HKDC1: variants seen among roughly 807,000 people sequenced by gnomAD.
HKDC1 encodes hexokinase HKDC1.
Under a neutral mutation model 96.6 loss-of-function variants are expected in HKDC1, and 66 were observed. That is an observed-to-expected ratio of 0.68 (90% CI 0.56 to 0.84). The LOEUF (loss-of-function observed/expected upper bound fraction) is 0.84, where lower values mean the gene tolerates loss of function less well. Ranked by LOEUF, HKDC1 falls within the 40% of genes least tolerant of loss-of-function variation. The pLI is 0.00. For missense variants in HKDC1, 1,211 were observed against 1,208.1 expected (o/e 1.00, Z -0.04); for synonymous variants, 466 against 473.1 (o/e 0.98, Z 0.20).
chr10:69,265,939 G>A (rs1296500775), intron 17 of HKDC1, 121 bp downstream of exon 17: 6 of 734,862 alleles, frequency 8.2e-6, no homozygotes, highest in Non-Finnish European at 1.4e-5. Context: ...TTATGGGAAA[G>A]GAGTGCTGTG....
intron 12 of HKDC1, among the ~76,000 whole-genome samples, chr10:69,253,076 T>A (rs534951731): frequency 1.3e-4 from 20 of 152,036 alleles, no homozygotes; most frequent in Non-Finnish European, 2.4e-4. Flanking sequence ...AATAAAGATT[T>A]TTAATTGGGA....
intron 11 of HKDC1, 33 bp from the exon 12 acceptor site, chr10:69,250,500 C>T (rs1843623876): frequency 1.2e-6 from 2 of 1,613,754 alleles, no homozygotes; most frequent in Non-Finnish European, 1.7e-6. Context: ...CGATGTCCGC[C>T]TGGTGTGAAT....
chr10:69,262,166 C>G (rs150513623), intron 16 of HKDC1: 32 of 351,550 alleles, frequency 9.1e-5, no homozygotes, highest in African/African-American at 6.4e-4. Flanking sequence ...GAAAGAGGAA[C>G]TTTCCCCTAT....
chr10:69,249,637 A>G lies in HKDC1; in HGVS notation c.1571-653A>G, dbSNP rs892685518. ...CAGCCTCCCGAGTAGCTGGGACTAC[A>G]GGCGCCCAGCACCACACCCGGATAA... On this transcript the variant is annotated intron_variant, in intron 10 of 17. Coordinates refer to ENST00000354624, the MANE Select transcript of HKDC1 (RefSeq NM_025130.4). Among the ~76,000 whole-genome samples, 5 of 152,310 alleles carry G rather than the reference A, an allele frequency of 3.3e-5. No homozygotes were observed. In the East Asian group the frequency reaches 7.7e-4, roughly 23 times the overall value.
chr10:69,244,900 G>T (rs1416887664), intron 7 of HKDC1, among the ~76,000 whole-genome samples: 3 of 151,930 alleles, frequency 2.0e-5, no homozygotes, highest in Non-Finnish European at 4.4e-5. Context: ...TTTCTTCAAT[G>T]CTCAAAGACT....
At chr10:69,224,275 A>T (rs1019088422) in intron 1 of HKDC1, among the ~76,000 whole-genome samples, 1 of 151,730 alleles carries the variant, frequency 6.6e-6, no homozygotes, top group Non-Finnish European at 1.5e-5. Context: ...TTTTATTTTT[A>T]TTTATTTATT....
intron 9 of HKDC1, 146 bp downstream of exon 9, chr10:69,247,739 C>G: frequency 1.5e-6 from 1 of 665,614 alleles, no homozygotes; most frequent in East Asian, 2.7e-5. Context: ...AAGGTGAATC[C>G]AGGGCCTGCA....
chr10:69,234,186 C>T (rs1020786698), intron 4 of HKDC1, among the ~76,000 whole-genome samples: 5 of 152,208 alleles, frequency 3.3e-5, no homozygotes, highest in East Asian at 1.9e-4. Flanking sequence ...GATCAATCTC[C>T]TCCTCCTGGC....
chr10:69,249,153 C>T (rs1843595385), intron 10 of HKDC1, among the ~76,000 whole-genome samples: 1 of 152,194 alleles, frequency 6.6e-6, no homozygotes, highest in Admixed American at 6.5e-5. Context: ...CTGCCCCCAA[C>T]TTCTCCAACC....
rs1175719324 is a variant in HKDC1, at chr10:69,248,481, C to T, written c.1323C>T (p.Arg441=). ...VRKLVPSCDV[R]FLLSESGSTK... is the part of the protein sequence containing the mutation. ...AACTGGTCCCAAGCTGTGATGTCCG[C>T]TTCCTCCTGTCAGAGAGTGGCAGCA... Residue 441 remains arginine (R), a synonymous_variant, in exon 10 of 18, where the codon CGC becomes CGT. Coordinates refer to ENST00000354624, the MANE Select transcript of HKDC1 (RefSeq NM_025130.4). 1 of 1,606,646 alleles carries T rather than the reference C, an allele frequency of 6.2e-7. No homozygotes were observed. Among genetic ancestry groups the T allele is most frequent in the Admixed American group, 1.7e-5 (1 of 59,750 alleles).
intron 1 of HKDC1, among the ~76,000 whole-genome samples, chr10:69,221,694 T>A (rs1843068514): frequency 6.6e-6 from 1 of 152,068 alleles, no homozygotes; most frequent in Admixed American, 6.5e-5. Context: ...GAGGCTGAGA[T>A]GAGCAGATCT....
chr10:69,258,819 C>A lies in HKDC1; in HGVS notation c.2076C>A (p.Ile692=). 1 of 1,613,912 alleles carries A rather than the reference C, an allele frequency of 6.2e-7. No homozygotes were observed. Among genetic ancestry groups the A allele is most frequent in the Non-Finnish European group, 8.5e-7 (1 of 1,179,960 alleles). The change falls in exon 15 of 18, where the codon ATC becomes ATA. Residue 692 remains isoleucine (I), a synonymous_variant. Coordinates refer to ENST00000354624, the MANE Select transcript of HKDC1 (RefSeq NM_025130.4). The part of the protein sequence containing the change: ...NMCYMEDMRN[I]EMVEGGEGKM... The stretch of plus-strand genomic sequence containing the variant: ...GCTACATGGAGGACATGAGGAACAT[C>A]GAGATGGTGGAGGGGGGTGAAGGGA...
chr10:69,247,653 T>C (rs1251091728), intron 9 of HKDC1, 60 bp downstream of exon 9: 1 of 1,361,494 alleles, frequency 7.3e-7, no homozygotes, highest in African/African-American at 1.4e-5. Context: ...AGGGCCCCAG[T>C]GTCTTCTGGA....
intron 10 of HKDC1, among the ~76,000 whole-genome samples, chr10:69,249,643 C>CTG (rs1360881446): frequency 1.3e-4 from 20 of 152,136 alleles, no homozygotes; most frequent in African/African-American, 4.3e-4. Context: ...CTACAGGCGC[C>CTG]CAGCACCACA....
At chr10:69,244,741 A>G (rs886461487) in intron 7 of HKDC1, among the ~76,000 whole-genome samples, 1 of 152,076 alleles carries the variant, frequency 6.6e-6, no homozygotes, top group Non-Finnish European at 1.5e-5. Flanking sequence ...TGGGAGGATC[A>G]CTTGAGCCAG....
chr10:69,258,917 A>G lies in HKDC1; in HGVS notation c.2174A>G (p.Asp725Gly). The G allele has an allele frequency of 6.2e-7, 1 of 1,601,790 alleles. No individual in the cohort carries two copies. Among genetic ancestry groups the G allele is most frequent in the Non-Finnish European group, 8.5e-7 (1 of 1,174,186 alleles). Residue 725 changes from aspartate (D) to glycine (G), a missense_variant, in exon 15 of 18, where the codon GAC becomes GGC. Transcript: ENST00000354624. ...ATAGATGACATCTGGACCCGATACG[A>G]CACGGAGGTGGATGAGGGGTCCTTG... is the stretch of plus-strand genomic sequence containing the variant. Reference protein sequence around the residue: ...GCIDDIWTRYDTEVDEGSLNP... With the variant: ...GCIDDIWTRYGTEVDEGSLNP...
chr10:69,247,211 A>T (rs1407694809), intron 8 of HKDC1, 149 bp from the exon 9 acceptor site: 20 of 616,082 alleles, frequency 3.2e-5, no homozygotes, highest in Admixed American at 2.0e-4. Flanking sequence ...GGCAGCTGCT[A>T]CTATCAATGT....
chr10:69,220,487 C>T lies in HKDC1; in HGVS notation c.52C>T (p.Gln18Ter). ...AFYFSKLKED[Q>*]IKKVDRFLYH... ...TTACTTCAGCAAGCTGAAGGAGGACCAGATCAAGAAGGTAAGGAGGACCCA... is the reference window on the plus strand; with the variant it reads ...TTACTTCAGCAAGCTGAAGGAGGACTAGATCAAGAAGGTAAGGAGGACCCA... The change falls in exon 1 of 18, where the codon CAG becomes TAG. Residue 18 changes from glutamine to a stop codon, truncating the protein, a stop_gained. Coordinates refer to ENST00000354624, the MANE Select transcript of HKDC1 (RefSeq NM_025130.4). LOFTEE classifies it high-confidence loss of function. 6.3e-7 allele frequency: 1 copy of T among 1,599,748 alleles called. No homozygotes were observed. The highest frequency in any genetic ancestry group is 8.5e-7 in the Non-Finnish European group (1 of 1,173,726).
Position 69,236,111 on chromosome 10 carries a change from A to C in HKDC1, c.496-2931A>C, listed in dbSNP as rs547806839. 4.4e-4 allele frequency among the ~76,000 whole-genome samples: 62 copies of C among 141,624 alleles called. 2 individuals carry two copies. In the East Asian group the frequency reaches 0.013, roughly 31 times the overall value. The allele number at this position is 141,624 out of a possible 152,430, so 92.9% of individuals were successfully genotyped here. ...TTTAAAATGGCAGCAGGTGCCTGAA[A>C]GCATTTTGATTTTTTTTTTTTTTTT... On this transcript the variant is annotated intron_variant, in intron 4 of 17. Coordinates refer to ENST00000354624, the MANE Select transcript of HKDC1 (RefSeq NM_025130.4).
Sources: gnomAD v4.1 joint callset for allele counts (sites outside exome capture counted in the v4.1 genomes callset) on GRCh38, gnomAD v4.1.1 for gene constraint, MANE v1.5 for transcripts, NCBI Gene and HGNC (gene_info 2026-07-23, HGNC 2026-07-21) for gene names.